LRRC8D: variants seen among roughly 807,000 people sequenced by gnomAD.
The protein encoded by LRRC8D is leucine rich repeat containing 8 VRAC subunit D, also known as volume-regulated anion channel subunit LRRC8D.
A neutral mutation model predicts 55.8 loss-of-function variants in LRRC8D; 20 were observed. The observed-to-expected ratio is 0.36, with a 90% CI of 0.25 to 0.52. The LOEUF (loss-of-function observed/expected upper bound fraction) is 0.52. LRRC8D is among the 20% of genes least tolerant of loss of function. LRRC8D has a pLI of 0.93. For missense variants in LRRC8D, 651 were observed against 1,030.8 expected, an observed-to-expected ratio of 0.63 and a Z score of 5.05; for synonymous variants, 352 against 377.0, an observed-to-expected ratio of 0.93 and a Z score of 0.77.
intron 2 of LRRC8D, among the ~76,000 whole-genome samples, chr1:89,866,652 A>G (rs1209514926): frequency 6.6e-6 from 1 of 152,146 alleles, no homozygotes; most frequent in East Asian, 1.9e-4. Context: ...ACATCTTAGA[A>G]AACCCCTTCT....
chr1:89,933,842 C>T lies in LRRC8D; in HGVS notation c.774C>T (p.Gly258=), dbSNP rs779911215. The change falls in exon 3 of 3, where the codon GGC becomes GGT. Residue 258 remains glycine (G), a synonymous_variant. Coordinates refer to ENST00000337338, the MANE Select transcript of LRRC8D (RefSeq NM_001134479.2). This position sits in a 1 kb window ranked among gnomAD's most constrained non-coding sequence, Gnocchi z 7.0. ...SASTPMINKT[G]FKFSAEKPVI... ...GTACACCAATGATCAATAAAACTGG[C>T]TTTAAATTTTCAGCTGAGAAGCCTG... 1.2e-6 allele frequency: 2 copies of T among 1,613,960 alleles called. No individual in the cohort carries two copies. Among genetic ancestry groups the T allele is most frequent in the East Asian group, 4.5e-5 (2 of 44,864 alleles).
intron 1 of LRRC8D, 98 bp from the exon 2 acceptor site, chr1:89,843,540 C>A: frequency 1.5e-6 from 1 of 674,082 alleles, no homozygotes; most frequent in Non-Finnish European, 2.7e-6. Flanking sequence ...CAAGCGGTGA[C>A]CCCCTGGTCT....
intron 2 of LRRC8D, among the ~76,000 whole-genome samples, chr1:89,887,210 C>CT (rs1479078228): frequency 6.6e-6 from 1 of 152,196 alleles, no homozygotes; most frequent in Non-Finnish European, 1.5e-5. Context: ...TTATGAAGTC[C>CT]TTTGAGCAGT....
At chr1:89,863,824 A>G (rs930861353) in intron 2 of LRRC8D, among the ~76,000 whole-genome samples, 8 of 152,180 alleles carry the variant, frequency 5.3e-5, no homozygotes, top group African/African-American at 1.9e-4. Context: ...TACTTTTGAA[A>G]TATTAAAAAT....
rs1348020461 is a variant in LRRC8D at position 89,935,238 on chromosome 1, G to A, written c.2170G>A (p.Ala724Thr). 6.2e-7 allele frequency: 1 copy of A among 1,613,928 alleles called. No homozygotes were observed. The highest frequency in any genetic ancestry group is 1.3e-5 in the African/African-American group (1 of 74,924). Residue 724 changes from alanine to threonine, a missense_variant, in exon 3 of 3, where the codon GCA (alanine) becomes ACA (threonine). By Grantham distance (58) the Ala-to-Thr change is moderately conservative (BLOSUM62 0). Transcript: ENST00000337338. ...CAACAAGCTCGAATCCTTACCAGTGGCAGTATTTAGTTTACAGAAACTCAG... is the reference window on the plus strand; with the variant it reads ...CAACAAGCTCGAATCCTTACCAGTGACAGTATTTAGTTTACAGAAACTCAG... ...SNNKLESLPV[A>T]VFSLQKLRCL... is the part of the protein sequence containing the mutation.
intron 2 of LRRC8D, among the ~76,000 whole-genome samples, chr1:89,878,524 A>T (rs1002128671): frequency 2.6e-5 from 4 of 152,224 alleles, no homozygotes; most frequent in African/African-American, 4.8e-5. Context: ...TCTGAGATGC[A>T]TTGAACTTGC....
At chr1:89,872,715 G>A (rs937808894) in intron 2 of LRRC8D, among the ~76,000 whole-genome samples, 6 of 152,118 alleles carry the variant, frequency 3.9e-5, no homozygotes, top group Non-Finnish European at 7.3e-5. Flanking sequence ...TGAATGCTGT[G>A]GGTTTTTGCA....
At chr1:89,906,337 A>G (rs777917338) in intron 2 of LRRC8D, among the ~76,000 whole-genome samples, 13 of 152,186 alleles carry the variant, frequency 8.5e-5, no homozygotes, top group Non-Finnish European at 1.8e-4. Context: ...GTCAGCTCAA[A>G]CAGAAGCTCG....
intron 1 of LRRC8D, among the ~76,000 whole-genome samples, chr1:89,832,649 C>G (rs946103899): frequency 1.3e-5 from 2 of 152,146 alleles, no homozygotes; most frequent in African/African-American, 4.8e-5. Flanking sequence ...AAAAATTCTT[C>G]AAATTCCACT....
chr1:89,860,787 T>A (rs931652725), intron 2 of LRRC8D, among the ~76,000 whole-genome samples: 2,426 of 46,888 alleles, frequency 0.052, 64 homozygotes, highest in African/African-American at 0.12. Flanking sequence ...AAAAAAAAAA[T>A]ATATATATAT....
intron 2 of LRRC8D, among the ~76,000 whole-genome samples, chr1:89,889,915 C>T (rs1450326802): frequency 1.3e-5 from 2 of 151,754 alleles, no homozygotes; most frequent in Admixed American, 6.6e-5. Flanking sequence ...AGGCCGGATG[C>T]GGTGGCTCAT....
intron 2 of LRRC8D, among the ~76,000 whole-genome samples, chr1:89,924,651 T>C (rs1663510088): frequency 6.6e-6 from 1 of 152,172 alleles, no homozygotes; most frequent in Non-Finnish European, 1.5e-5. Flanking sequence ...AGCAAAGACA[T>C]GTAATCAACC....
intron 2 of LRRC8D, among the ~76,000 whole-genome samples, chr1:89,921,332 C>G (rs1339859883): frequency 4.0e-5 from 6 of 151,778 alleles, no homozygotes; most frequent in Admixed American, 3.9e-4. Context: ...GAGTGAGACC[C>G]TATTTCAAAA....
At chr1:89,861,969 T>C (rs1332060124) in intron 2 of LRRC8D, among the ~76,000 whole-genome samples, 2 of 152,202 alleles carry the variant, frequency 1.3e-5, no homozygotes, top group African/African-American at 2.4e-5. Context: ...GGAATAGCTA[T>C]AGATACTAAA....
intron 2 of LRRC8D, among the ~76,000 whole-genome samples, chr1:89,885,523 A>G (rs1662397447): frequency 6.6e-6 from 1 of 152,258 alleles, no homozygotes; most frequent in African/African-American, 2.4e-5. Flanking sequence ...TGGTGTGAAT[A>G]CATCCTAGTA....
At chr1:89,860,436 G>A (rs1435976184) in intron 2 of LRRC8D, among the ~76,000 whole-genome samples, 1 of 151,896 alleles carries the variant, frequency 6.6e-6, no homozygotes, top group Non-Finnish European at 1.5e-5. Flanking sequence ...ATTGATCCCA[G>A]GGCTCTTTAC....
chr1:89,934,435 C>T lies in LRRC8D; in HGVS notation c.1367C>T (p.Thr456Ile), dbSNP rs573252987. 6.2e-7 allele frequency: 1 copy of T among 1,614,044 alleles called. No homozygotes were observed. Among genetic ancestry groups the T allele is most frequent in the South Asian group, 1.1e-5 (1 of 91,076 alleles). ...GAAATTAGTTTGAACCATGAGTGGA[C>T]ATTTGAAAAACTCAGGCAGCACATT... ...LREISLNHEW[T>I]FEKLRQHISR... The change falls in exon 3 of 3, where the codon ACA (threonine) becomes ATA (isoleucine). Residue 456 changes from threonine (T) to isoleucine (I), a missense_variant. By Grantham distance (89) the Thr-to-Ile change is moderately conservative. Coordinates refer to ENST00000337338, the MANE Select transcript of LRRC8D (RefSeq NM_001134479.2). This position sits in a 1 kb window ranked among gnomAD's most constrained non-coding sequence, Gnocchi z 5.9.
intron 2 of LRRC8D, among the ~76,000 whole-genome samples, chr1:89,927,000 G>C (rs1279230206): frequency 6.6e-6 from 1 of 152,240 alleles, no homozygotes; most frequent in African/African-American, 2.4e-5. Context: ...ATGTTCCACT[G>C]TGTTCCACCT....
chr1:89,860,782 AAAAATATATATAT>A (rs1366500570), intron 2 of LRRC8D, among the ~76,000 whole-genome samples: 139 of 83,036 alleles, frequency 1.7e-3, no homozygotes, highest in African/African-American at 5.1e-3. Context: ...AAAAAAAAAA[AAAAATATATATAT>A]ATATATATAT....
Sources: allele counts gnomAD v4.1 joint callset (sites outside exome capture counted in the v4.1 genomes callset), GRCh38; gene constraint gnomAD v4.1.1; non-coding constraint Gnocchi (gnomAD v3.1); transcripts MANE v1.5; gene names NCBI Gene and HGNC (gene_info 2026-07-23, HGNC 2026-07-21).